The following SPAST variants were observed in gnomAD, a reference collection of about 807,000 sequenced individuals.
SPAST encodes the protein spastic paraplegia 4 (autosomal dominant; spastin).
Under a neutral mutation model 76.6 loss-of-function variants are expected in SPAST, and 30 were observed. That is an observed-to-expected ratio of 0.39 (90% CI 0.29 to 0.53). The LOEUF (loss-of-function observed/expected upper bound fraction) is 0.53. Among genes scored for constraint, SPAST ranks in the 20% least tolerant of loss-of-function variants. The pLI is 0.68. For missense variants in SPAST, 717 were observed against 770.5 expected (o/e 0.93, Z 0.82); for synonymous variants, 305 against 281.0 (o/e 1.09, Z -0.86).
At chr2:32,094,193 T>C (rs1573080551) in intron 3 of SPAST, among the ~76,000 whole-genome samples, 1 of 152,196 alleles carries the variant, frequency 6.6e-6, no homozygotes, top group East Asian at 1.9e-4. Flanking sequence ...TCTGAGTTAT[T>C]GAAAGACAGG....
intron 1 of SPAST, among the ~76,000 whole-genome samples, chr2:32,081,412 GTTCA>G (rs1241969476): frequency 1.3e-5 from 2 of 152,122 alleles, no homozygotes. Flanking sequence ...GTTCTTAACT[GTTCA>G]TTCATTCAGG....
intron 1 of SPAST, among the ~76,000 whole-genome samples, chr2:32,079,591 T>A (rs1299423498): frequency 1.4e-5 from 2 of 145,156 alleles, no homozygotes; most frequent in Non-Finnish European, 3.0e-5. Flanking sequence ...CATTGGGTCT[T>A]GCTCTGTCAC....
chr2:32,085,276 G>A (rs189015116), intron 1 of SPAST, among the ~76,000 whole-genome samples: 1 of 147,512 alleles, frequency 6.8e-6, no homozygotes, highest in African/African-American at 2.5e-5. Flanking sequence ...GTACAATCTG[G>A]TACAATCACA....
At chr2:32,070,338 G>T (rs1353435470) in intron 1 of SPAST, among the ~76,000 whole-genome samples, 3 of 152,090 alleles carry the variant, frequency 2.0e-5, no homozygotes, top group African/African-American at 7.2e-5. Context: ...AAAGTGCTGG[G>T]ATTACAGGTA....
intron 4 of SPAST, among the ~76,000 whole-genome samples, chr2:32,110,698 A>T (rs1169646754): frequency 7.2e-6 from 1 of 139,362 alleles, no homozygotes; most frequent in Non-Finnish European, 1.5e-5. Context: ...CTGTATATAT[A>T]GTGTACATAG....
intron 4 of SPAST, among the ~76,000 whole-genome samples, chr2:32,105,622 C>T (rs981819500): frequency 2.6e-5 from 4 of 152,076 alleles, no homozygotes; most frequent in African/African-American, 9.7e-5. Context: ...ATGATGGTGA[C>T]GTACAGATGG....
rs1679778642 is a variant in SPAST at position 32,143,194 on chromosome 2, G to A, written c.1537-142G>A. ...GAGATGGGAGGATTGCTTGAACCCA[G>A]GATATCGAGGCTATAGTGAGCTATG... is the stretch of plus-strand genomic sequence containing the variant. On this transcript the variant is annotated intron_variant, in intron 13 of 16. Coordinates refer to ENST00000315285, the MANE Select transcript of SPAST (RefSeq NM_014946.4). 2.1e-5 allele frequency: 12 copies of A among 568,144 alleles called. No homozygotes were observed. The South Asian group carries it at 2.4e-4, about 11-fold the overall frequency. 35.2% of individuals were successfully genotyped at this position (568,144 alleles called of 1,614,324 possible). A position where few individuals can be genotyped will look rare whatever the true frequency, so the allele number is the denominator to read the frequency against.
At chr2:32,099,641 C>G (rs1678046033) in intron 4 of SPAST, among the ~76,000 whole-genome samples, 1 of 152,068 alleles carries the variant, frequency 6.6e-6, no homozygotes, top group Non-Finnish European at 1.5e-5. Flanking sequence ...TCCATCATCC[C>G]AAACATTTAT....
In SPAST at chr2:32,087,584, A is replaced by T; in HGVS notation, c.502+6A>T. ...TGTTATAGTTACAGGACAAGGTAAG[A>T]TTGTATTTGTTTATAGCCATCCCAA... On this transcript the variant is annotated splice_donor_region_variant and intron_variant, in intron 2 of 16. Transcript: ENST00000315285. 1.3e-6 allele frequency: 2 copies of T among 1,528,248 alleles called. No individual in the cohort carries two copies. Among genetic ancestry groups the T allele is most frequent in the Non-Finnish European group, 1.8e-6 (2 of 1,106,588 alleles). 94.7% of individuals were successfully genotyped at this position (1,528,248 alleles called of 1,614,324 possible). A position where few individuals can be genotyped will look rare whatever the true frequency, so the allele number is the denominator to read the frequency against.
At chr2:32,090,675 GT>G (rs1301261999) in intron 3 of SPAST, among the ~76,000 whole-genome samples, 1 of 152,084 alleles carries the variant, frequency 6.6e-6, no homozygotes, top group African/African-American at 2.4e-5. Context: ...AGGTTCATCT[GT>G]TTTTCATTTT....
chr2:32,132,164 T>C (rs1333021265), intron 9 of SPAST, among the ~76,000 whole-genome samples: 1 of 151,610 alleles, frequency 6.6e-6, no homozygotes, highest in Non-Finnish European at 1.5e-5. Context: ...CCAAGGCAGG[T>C]GGATCACTTG....
intron 4 of SPAST, among the ~76,000 whole-genome samples, chr2:32,109,953 T>C (rs1397011129): frequency 3.1e-5 from 4 of 129,968 alleles, no homozygotes; most frequent in Non-Finnish European, 6.6e-5. Context: ...TAGTTACATA[T>C]GTATATGTAT....
At chr2:32,149,494 C>T (rs1383089552) in intron 16 of SPAST, among the ~76,000 whole-genome samples, 2 of 152,030 alleles carry the variant, frequency 1.3e-5, no homozygotes, top group African/African-American at 2.4e-5. Flanking sequence ...ATTGGGTATG[C>T]AGAATGGTCA....
intron 15 of SPAST, among the ~76,000 whole-genome samples, chr2:32,146,700 A>G (rs532584230): frequency 8.4e-4 from 127 of 152,008 alleles, no homozygotes; most frequent in Non-Finnish European, 1.5e-3. Context: ...CCGCATCTCT[A>G]CTGAAAATAC....
rs115659052 is a variant in SPAST at position 32,137,194 on chromosome 2, G to A, written c.1493+6G>A. On this transcript the variant is annotated splice_donor_region_variant and intron_variant, in intron 12 of 16. Transcript: ENST00000315285. The stretch of plus-strand genomic sequence containing the variant: ...CTTGATGAGGCTGTTCTCAGGTAGG[G>A]AGATTTATATGGAAATACATGCATT... 124 of 1,598,318 alleles carry A rather than the reference G, an allele frequency of 7.8e-5. 1 individual carries two copies. In the African/African-American group the frequency reaches 1.6e-3, roughly 20 times the overall value.
At chr2:32,141,235 C>A (rs1240228309) in intron 12 of SPAST, among the ~76,000 whole-genome samples, 1 of 152,160 alleles carries the variant, frequency 6.6e-6, no homozygotes, top group Non-Finnish European at 1.5e-5. Flanking sequence ...GTCTTCCCGC[C>A]AGACTGTTAG....
Position 32,145,023 on chromosome 2 carries a change from C to T in SPAST, c.1687+16C>T, listed in dbSNP as rs770937155. The stretch of plus-strand genomic sequence containing the variant: ...CCTATCCGAGGTAGGTATACAAGAG[C>T]TTAAAACATTTAGAACTATTTATTA... On this transcript the variant is annotated intron_variant, in intron 15 of 16. Coordinates refer to ENST00000315285, the MANE Select transcript of SPAST (RefSeq NM_014946.4). The T allele has an allele frequency of 3.1e-6, 5 of 1,587,812 alleles. No individual in the cohort carries two copies. Among genetic ancestry groups the T allele is most frequent in the Non-Finnish European group, 4.3e-6 (5 of 1,157,614 alleles).
rs375850129 is a variant in SPAST, at chr2:32,089,218, T to TTTTTTTTTC, written c.503-304_503-303insTTTTTTTTC. Among the ~76,000 whole-genome samples the TTTTTTTTTC allele has an allele frequency of 5.9e-3, 769 of 129,906 alleles. 50 individuals are homozygous for TTTTTTTTTC. Among genetic ancestry groups the TTTTTTTTTC allele is most frequent in the African/African-American group, 0.02 (691 of 34,816 alleles). The allele number at this position is 129,906 out of a possible 152,430, so 85.2% of individuals were successfully genotyped here. On this transcript the variant is annotated intron_variant, in intron 2 of 16. Coordinates refer to ENST00000315285, the MANE Select transcript of SPAST (RefSeq NM_014946.4). ...CGGCTAATTTTTTTTTTTTTTTTTT[T>TTTTTTTTTC]AAGTAGAGACCAGATCTCTTTATGT...
chr2:32,114,463 A>G (rs575791644), intron 4 of SPAST, among the ~76,000 whole-genome samples, 175 bp from the exon 5 acceptor site: 1 of 152,288 alleles, frequency 6.6e-6, no homozygotes, highest in African/African-American at 2.4e-5. Flanking sequence ...CCATATTCCT[A>G]TCTACCTAGT....
Sources: allele counts gnomAD v4.1 joint callset (sites outside exome capture counted in the v4.1 genomes callset), GRCh38; gene constraint gnomAD v4.1.1; transcripts MANE v1.5; gene names NCBI Gene and HGNC (gene_info 2026-07-23, HGNC 2026-07-21).